The following KDM2B variants were observed in gnomAD, a reference collection of about 807,000 sequenced individuals.
The protein encoded by KDM2B is lysine-specific demethylase 2B.
KDM2B carries 26 observed loss-of-function variants against 150.0 expected under a neutral mutation model. The observed-to-expected ratio is 0.17, with a 90% CI of 0.13 to 0.24. The LOEUF is 0.24. KDM2B is among the 10% of genes least tolerant of loss of function. The pLI, the probability that KDM2B is intolerant of heterozygous loss-of-function variation, is 1.00. For synonymous variants in KDM2B, 734 were observed against 729.5 expected, an observed-to-expected ratio of 1.01 and a Z score of -0.10; for missense variants, 1,265 against 1,816.9, an observed-to-expected ratio of 0.70 and a Z score of 5.52.
At chr12:121,546,569 T>G (rs28398260) in intron 6 of KDM2B, among the ~76,000 whole-genome samples, 95,643 of 150,166 alleles carry the variant, frequency 0.64, 31,694 homozygotes, top group African/African-American at 0.81. Context: ...GGTTTTTTTT[T>G]TTTGTTTGTT....
chr12:121,409,773 C>G, the KDM2B span: 1 of 152,224 alleles, frequency 6.6e-6, no homozygotes, highest in Non-Finnish European at 1.5e-5. Context: ...ACAGCAGCTA[C>G]GAAGGTACAG....
rs782389823 is a variant in KDM2B at position 121,509,867 on chromosome 12, C to T, written c.1347G>A (p.Thr449=). 4.3e-6 allele frequency: 7 copies of T among 1,613,730 alleles called. No homozygotes were observed. Among genetic ancestry groups the T allele is most frequent in the Middle Eastern group, 1.6e-4 (1 of 6,080 alleles). The change falls in exon 11 of 23, where the codon ACG becomes ACA. Residue 449 remains threonine, a synonymous_variant. Coordinates refer to ENST00000377071, the MANE Select transcript of KDM2B (RefSeq NM_032590.5). ...PTDGSTSPTS[T]PSEDQEALGK... ...CGAGGGCCTCCTGGTCCTCAGAGGG[C>T]GTGCTGGTGGGTGAAGTGGAGCCAT...
downstream of KDM2B, among the ~76,000 whole-genome samples, chr12:121,424,841 G>C (rs928118816): frequency 2.0e-5 from 3 of 152,188 alleles, no homozygotes; most frequent in Admixed American, 2.0e-4. Context: ...TGCGCTAGGT[G>C]CTGTAGTTGC....
downstream of KDM2B, among the ~76,000 whole-genome samples, chr12:121,424,848 T>C (rs962140644): frequency 3.9e-5 from 6 of 152,234 alleles, no homozygotes; most frequent in African/African-American, 1.4e-4. Flanking sequence ...GGTGCTGTAG[T>C]TGCCTCTGCA....
chr12:121,540,244 A>C (rs1888498411), intron 6 of KDM2B, among the ~76,000 whole-genome samples: 1 of 152,142 alleles, frequency 6.6e-6, no homozygotes, highest in Non-Finnish European at 1.5e-5. Context: ...TGAGAGAAAA[A>C]GCCAGGAATC....
intron 12 of KDM2B, among the ~76,000 whole-genome samples, chr12:121,482,207 C>T (rs1293416324): frequency 6.6e-6 from 1 of 152,190 alleles, no homozygotes; most frequent in Non-Finnish European, 1.5e-5. Flanking sequence ...TAAAATGGTT[C>T]TAAAACAGAC....
In KDM2B at chr12:121,493,059, C is replaced by CTTTTT. The variant is rs61628112; in HGVS notation, c.1734+1515_1734+1519dup. Among the ~76,000 whole-genome samples, 13 of 54,080 alleles carry CTTTTT rather than the reference C, an allele frequency of 2.4e-4. 3 individuals carry two copies. Among genetic ancestry groups the CTTTTT allele is most frequent in the African/African-American group, 1.1e-3 (9 of 8,344 alleles). The allele number at this position is 54,080 out of a possible 152,430, so 35.5% of individuals were successfully genotyped here. A position where few individuals can be genotyped will look rare whatever the true frequency, so the allele number is the denominator to read the frequency against. The stretch of plus-strand genomic sequence containing the variant: ...TACAGGCATGCACTATCATGCCTGG[C>CTTTTT]TTTTTTTTTTTTTTTTTTTTTTTTT... On this transcript the variant is annotated intron_variant, in intron 12 of 22. Transcript: ENST00000377071.
chr12:121,541,497 A>T (rs1264599467), intron 6 of KDM2B, among the ~76,000 whole-genome samples: 1 of 151,858 alleles, frequency 6.6e-6, no homozygotes, highest in Admixed American at 6.6e-5. Flanking sequence ...CCTATAGATA[A>T]AAGAGAAAAA....
chr12:121,474,518 A>G (rs1330529638), intron 12 of KDM2B, among the ~76,000 whole-genome samples: 1 of 152,194 alleles, frequency 6.6e-6, no homozygotes, highest in East Asian at 1.9e-4. Context: ...TCCATCTCAA[A>G]AAAATAAAAA....
intron 11 of KDM2B, among the ~76,000 whole-genome samples, chr12:121,494,915 A>G (rs1275269762): frequency 6.6e-6 from 1 of 151,934 alleles, no homozygotes; most frequent in South Asian, 2.1e-4. Flanking sequence ...CCTCCCTGTG[A>G]CTTCCACGTA....
At chr12:121,450,599 C>T (rs1339689855) in intron 13 of KDM2B, among the ~76,000 whole-genome samples, 1 of 151,612 alleles carries the variant, frequency 6.6e-6, no homozygotes, top group Non-Finnish European at 1.5e-5. Context: ...GTGGCTCACG[C>T]CTGTAATCCC....
chr12:121,546,492 C>T (rs1401961588), intron 6 of KDM2B, among the ~76,000 whole-genome samples: 1 of 144,612 alleles, frequency 6.9e-6, no homozygotes, highest in Non-Finnish European at 1.5e-5. Context: ...ACATCATTCT[C>T]CTGCCTCAGC....
chr12:121,439,555 AT>A (rs368373536), intron 22 of KDM2B, among the ~76,000 whole-genome samples: 1 of 151,480 alleles, frequency 6.6e-6, no homozygotes, highest in African/African-American at 2.4e-5. Context: ...TAATTTTTGT[AT>A]TTTTTTGTAG....
chr12:121,543,273 T>C (rs940966135), intron 6 of KDM2B, among the ~76,000 whole-genome samples: 8 of 151,982 alleles, frequency 5.3e-5, no homozygotes, highest in Admixed American at 1.3e-4. Context: ...GGAGAATCGC[T>C]TGAACCCCAG....
chr12:121,538,470 T>C (rs1256002810), intron 6 of KDM2B, among the ~76,000 whole-genome samples: 1 of 152,122 alleles, frequency 6.6e-6, no homozygotes, highest in East Asian at 1.9e-4. Flanking sequence ...ACTTCCCCTC[T>C]CTGAACAGCA....
In KDM2B at chr12:121,509,631, G is replaced by C. The variant is rs782420924; in HGVS notation, c.1583C>G (p.Pro528Arg). ...CTCGGGGACACACTTCTTGTTCTCC[G>C]GGAGGGATTCCAGTTTCTCCACCAG... ...KALVEKLESL[P>R]ENKKCVPEGI... Residue 528 changes from proline to arginine, a missense_variant, in exon 11 of 23, where the codon CCG (proline) becomes CGG (arginine). This residue lies in a region of KDM2B where 20 missense variants were observed against 49.5 expected (regional missense o/e 0.40). Transcript: ENST00000377071. 1 of 1,613,928 alleles carries C rather than the reference G, an allele frequency of 6.2e-7. No homozygotes were observed. The highest frequency in any genetic ancestry group is 1.1e-5 in the South Asian group (1 of 91,072).
chr12:121,501,958 G>A (rs112982555), intron 11 of KDM2B, among the ~76,000 whole-genome samples: 8,733 of 152,190 alleles, frequency 0.057, 311 homozygotes, highest in Middle Eastern at 0.11. Context: ...CTGCGCTGGT[G>A]ATCTGGGCTT....
intron 4 of KDM2B, among the ~76,000 whole-genome samples, chr12:121,555,685 TAAG>T (rs1179720061): frequency 6.6e-6 from 1 of 152,184 alleles, no homozygotes; most frequent in African/African-American, 2.4e-5. Flanking sequence ...AAATTTTTTA[TAAG>T]AATATAAATA....
intron 6 of KDM2B, among the ~76,000 whole-genome samples, chr12:121,538,932 C>G (rs1199345187): frequency 6.6e-6 from 1 of 152,036 alleles, no homozygotes; most frequent in Non-Finnish European, 1.5e-5. Context: ...TGATCCCGCT[C>G]AAATCAGAAG....
Sources: allele counts gnomAD v4.1 joint callset (sites outside exome capture counted in the v4.1 genomes callset), GRCh38; gene constraint gnomAD v4.1.1; regional missense constraint gnomAD v4.1.1; transcripts MANE v1.5; gene names NCBI Gene and HGNC (gene_info 2026-07-23, HGNC 2026-07-21).